CYP2C18: variants seen among roughly 807,000 people sequenced by gnomAD.
CYP2C18 encodes cytochrome P450 2C18.
CYP2C18 carries 38 observed loss-of-function variants against 41.3 expected under a neutral mutation model. That is an observed-to-expected ratio of 0.92 (90% CI 0.71 to 1.21). CYP2C18 has a LOEUF of 1.21. CYP2C18 is among the 50% of genes most tolerant of loss of function. The pLI is 0.00. For synonymous variants in CYP2C18, 236 were observed against 210.0 expected (o/e 1.12, Z -1.07); for missense variants, 635 against 591.4 (o/e 1.07, Z -0.77).
chr10:94,691,473 G>A lies in CYP2C18; in HGVS notation c.481+3199G>A, dbSNP rs1589792420. Among the ~76,000 whole-genome samples the A allele has an allele frequency of 5.3e-5, 8 of 152,282 alleles. No individual in the cohort carries two copies. In the South Asian group the frequency reaches 1.7e-3, roughly 32 times the overall value. On this transcript the variant is annotated intron_variant, in intron 3 of 8. Coordinates refer to ENST00000285979, the MANE Select transcript of CYP2C18 (RefSeq NM_000772.3). ...TAGGAATCCAACTTACAAGGGATGT[G>A]AAGGACCTCTTCAAGGAGAACTACA...
rs1258520573 is a variant in CYP2C18 at position 94,686,799 on chromosome 10, T to C, written c.169-971T>C. Among the ~76,000 whole-genome samples, 4 of 152,290 alleles carry C rather than the reference T, an allele frequency of 2.6e-5. No individual in the cohort carries two copies. The East Asian group carries it at 7.7e-4, about 29-fold the overall frequency. On this transcript the variant is annotated intron_variant, in intron 1 of 8. Coordinates refer to ENST00000285979, the MANE Select transcript of CYP2C18 (RefSeq NM_000772.3). Reference sequence around the variant, plus strand: ...AAACATTTCAAGTGGTAAGGTAGAATCAAAATGATAAAGGCCTGCTGCTTT... The same window carrying C: ...AAACATTTCAAGTGGTAAGGTAGAACCAAAATGATAAAGGCCTGCTGCTTT...
At chr10:94,696,571 GCCTCT>G (rs1484025273) in intron 4 of CYP2C18, among the ~76,000 whole-genome samples, 1 of 152,128 alleles carries the variant, frequency 6.6e-6, no homozygotes, top group African/African-American at 2.4e-5. Flanking sequence ...AAATCAGAGT[GCCTCT>G]CCTCCCCCAA....
chr10:94,700,522 T>C (rs888335974), intron 4 of CYP2C18, among the ~76,000 whole-genome samples: 1 of 152,134 alleles, frequency 6.6e-6, no homozygotes, highest in African/African-American at 2.4e-5. Flanking sequence ...ATAAAAACCG[T>C]AGAAGAAAAC....
intron 8 of CYP2C18, among the ~76,000 whole-genome samples, chr10:94,733,771 G>T (rs1038786511): frequency 6.6e-6 from 1 of 152,152 alleles, no homozygotes; most frequent in Non-Finnish European, 1.5e-5. Context: ...CATGAGAAAA[G>T]TATCTAATTC....
chr10:94,721,022 C>CT (rs908942483), intron 6 of CYP2C18, among the ~76,000 whole-genome samples: 13 of 150,984 alleles, frequency 8.6e-5, no homozygotes, highest in South Asian at 2.1e-4. Flanking sequence ...TTCTTTCTTT[C>CT]TTTTTTTTTG....
In CYP2C18 at chr10:94,687,927, G is replaced by A. The variant is rs768250057; in HGVS notation, c.326G>A (p.Gly109Glu). 3.1e-6 allele frequency: 5 copies of A among 1,613,368 alleles called. No homozygotes were observed. The African/African-American group carries it at 4.0e-5, about 13-fold the overall frequency. ...SFPVAEKVNK[G>E]LGILFSNGKR... is the part of the protein sequence containing the mutation. ...CCAGTGGCTGAAAAAGTTAACAAAG[G>A]ACTTGGTAAATGTGCATGTATCGTG... Residue 109 changes from glycine to glutamate, a missense_variant, in exon 2 of 9, where the codon GGA becomes GAA. Coordinates refer to ENST00000285979, the MANE Select transcript of CYP2C18 (RefSeq NM_000772.3).
chr10:94,688,293 T>TC lies in CYP2C18; in HGVS notation c.481+21dup. 1 of 1,579,844 alleles carries TC rather than the reference T, an allele frequency of 6.3e-7. No individual in the cohort carries two copies. Among genetic ancestry groups the TC allele is most frequent in the Non-Finnish European group, 8.5e-7 (1 of 1,169,964 alleles). On this transcript the variant is annotated intron_variant, in intron 3 of 8. Coordinates refer to ENST00000285979, the MANE Select transcript of CYP2C18 (RefSeq NM_000772.3). ...ACCAATGGTGGGTGACTTTTTTTTT[T>TC]CCTGAAAAATGTTTTCTAAAATTTA...
At chr10:94,688,369 T>G in intron 3 of CYP2C18, 95 bp downstream of exon 3, 3 of 1,413,662 alleles carry the variant, frequency 2.1e-6, no homozygotes, top group Non-Finnish European at 2.9e-6. Flanking sequence ...ATTTATGGGG[T>G]ACATGTAATA....
intron 4 of CYP2C18, among the ~76,000 whole-genome samples, chr10:94,702,726 C>T (rs1014347492): frequency 2.6e-5 from 4 of 152,034 alleles, no homozygotes; most frequent in African/African-American, 9.7e-5. Flanking sequence ...CTGAAGCCTA[C>T]TTCTGTCAGT....
intron 1 of CYP2C18, among the ~76,000 whole-genome samples, chr10:94,685,668 G>A (rs1439045051): frequency 6.6e-6 from 1 of 152,122 alleles, no homozygotes; most frequent in East Asian, 1.9e-4. Flanking sequence ...CCCATTGTAT[G>A]TTCTTGGCAC....
At position 94,687,871 on chromosome 10, in the gene CYP2C18, T is replaced by C. The variant is rs1846919893; in HGVS notation, c.270T>C (p.His90=). 1 of 1,613,706 alleles carries C rather than the reference T, an allele frequency of 6.2e-7. No individual in the cohort carries two copies. The change falls in exon 2 of 9, where the codon CAT becomes CAC. Residue 90 remains histidine, a synonymous_variant. Transcript: ENST00000285979. ...CAGTGAAGGAGGCCCTGATTGATCATGGAGAGGAGTTTTCTGGAAGAGGAA... is the reference window on the plus strand; with the variant it reads ...CAGTGAAGGAGGCCCTGATTGATCACGGAGAGGAGTTTTCTGGAAGAGGAA... ...YEAVKEALID[H]GEEFSGRGSF...
chr10:94,725,918 G>T (rs1847732131), intron 7 of CYP2C18, among the ~76,000 whole-genome samples: 2 of 152,016 alleles, frequency 1.3e-5, no homozygotes, highest in South Asian at 4.2e-4. Flanking sequence ...GGAAATGTTG[G>T]CTTCATAAAA....
In CYP2C18 at chr10:94,735,990, G is replaced by GA. The variant is rs140228918; in HGVS notation, c.*555dup. On this transcript the variant is annotated 3_prime_UTR_variant, in exon 9 of 9. Coordinates refer to ENST00000285979, the MANE Select transcript of CYP2C18 (RefSeq NM_000772.3). ...TAGAGTTATTGGAGGTCTGAATTTG[G>GA]AAAAAAAAACTATGTCCAGGAGCAG... 0.05 allele frequency: 7,519 copies of GA among 151,138 alleles called. 241 individuals are homozygous for GA. Among genetic ancestry groups the GA allele is most frequent in the South Asian group, 0.11 (547 of 4,792 alleles). 9.4% of individuals were successfully genotyped at this position (151,138 alleles called of 1,614,324 possible). A position where few individuals can be genotyped will look rare whatever the true frequency, so the allele number is the denominator to read the frequency against.
Position 94,727,934 on chromosome 10 carries a change from CATA to C in CYP2C18, c.1149+3412_1149+3414del, listed in dbSNP as rs1018480594. On this transcript the variant is annotated intron_variant, in intron 7 of 8. Coordinates refer to ENST00000285979, the MANE Select transcript of CYP2C18 (RefSeq NM_000772.3). The stretch of plus-strand genomic sequence containing the variant: ...TCCCAAAAACAAGGACTTTCTCCTA[CATA>C]ATAATAATAACATTCACACTCAAGG... Among the ~76,000 whole-genome samples, 12 of 152,208 alleles carry C rather than the reference CATA, an allele frequency of 7.9e-5. No individual in the cohort carries two copies. In the East Asian group the frequency reaches 2.3e-3, roughly 29 times the overall value.
At chr10:94,684,335 C>T (rs954833476) in intron 1 of CYP2C18, among the ~76,000 whole-genome samples, 4 of 152,132 alleles carry the variant, frequency 2.6e-5, no homozygotes, top group African/African-American at 4.8e-5. Context: ...TGTTGACCAA[C>T]GTATCCCCTT....
chr10:94,716,666 G>C (rs1024933009), intron 5 of CYP2C18, among the ~76,000 whole-genome samples: 1 of 152,148 alleles, frequency 6.6e-6, no homozygotes, highest in Non-Finnish European at 1.5e-5. Flanking sequence ...TGTTGATTTG[G>C]GGTGGAGAGT....
Position 94,683,920 on chromosome 10 carries a change from C to T in CYP2C18, c.101C>T (p.Thr34Ile). The T allele has an allele frequency of 6.2e-7, 1 of 1,610,932 alleles. No individual in the cohort carries two copies. The highest frequency in any genetic ancestry group is 8.5e-7 in the Non-Finnish European group (1 of 1,178,554). The change falls in exon 1 of 9, where the codon ACT (threonine) becomes ATT (isoleucine). Residue 34 changes from threonine (T) to isoleucine (I), a missense_variant. Physicochemically the swap from Thr to Ile is moderately conservative, Grantham distance 89. Coordinates refer to ENST00000285979, the MANE Select transcript of CYP2C18 (RefSeq NM_000772.3). Reference protein sequence around the residue: ...SGRGRLPSGPTPLPIIGNILQ... With the variant: ...SGRGRLPSGPIPLPIIGNILQ... ...AGAGGGAGGCTCCCGTCTGGCCCCA[C>T]TCCTCTCCCGATTATTGGAAATATC...
intron 4 of CYP2C18, among the ~76,000 whole-genome samples, chr10:94,704,794 C>T (rs1053265390): frequency 1.3e-5 from 2 of 152,168 alleles, no homozygotes; most frequent in Non-Finnish European, 2.9e-5. Context: ...GAAACTGTCT[C>T]CCAGCTTTTA....
intron 4 of CYP2C18, among the ~76,000 whole-genome samples, chr10:94,705,750 C>G (rs892454733): frequency 6.6e-6 from 1 of 152,134 alleles, no homozygotes; most frequent in African/African-American, 2.4e-5. Context: ...AACACTACAG[C>G]TTGCCCATAT....
Sources: allele counts gnomAD v4.1 joint callset (sites outside exome capture counted in the v4.1 genomes callset), GRCh38; gene constraint gnomAD v4.1.1; transcripts MANE v1.5; gene names NCBI Gene and HGNC (gene_info 2026-07-23, HGNC 2026-07-21).